Variants in ITSN1 observed in about 807,000 individuals in gnomAD.
ITSN1 encodes intersectin-1.
In ITSN1, 58 loss-of-function variants were observed where a neutral mutation model predicts 239.8. The observed-to-expected ratio is 0.24, with a 90% CI of 0.20 to 0.30. The LOEUF (loss-of-function observed/expected upper bound fraction) is 0.30, where lower values mean the gene tolerates loss of function less well. ITSN1 is among the 10% of genes least tolerant of loss of function. ITSN1 has a pLI of 1.00. For synonymous variants in ITSN1, 780 were observed against 770.8 expected (o/e 1.01, Z -0.20); for missense variants, 1,558 against 2,103.3 (o/e 0.74, Z 5.07).
At position 33,818,263 on chromosome 21, in the gene ITSN1, C is replaced by CA; in HGVS notation, c.2728-2dup. On this transcript the variant is annotated splice_region_variant and splice_polypyrimidine_tract_variant and intron_variant, in intron 22 of 39. Coordinates refer to ENST00000381318, the MANE Select transcript of ITSN1 (RefSeq NM_003024.3). ...GAGAGGTCCTTTATGTTATTCCACACAAGGGTGAAAAGGTGGAGGGGCTAC... is the reference window on the plus strand; with the variant it reads ...GAGAGGTCCTTTATGTTATTCCACACAAAGGGTGAAAAGGTGGAGGGGCTAC... 6.2e-7 allele frequency: 1 copy of CA among 1,613,510 alleles called. No individual in the cohort carries two copies. Among genetic ancestry groups the CA allele is most frequent in the Non-Finnish European group, 8.5e-7 (1 of 1,179,466 alleles).
chr21:33,871,821 A>G (rs1377989662), intron 33 of ITSN1, among the ~76,000 whole-genome samples: 1 of 152,178 alleles, frequency 6.6e-6, no homozygotes, highest in African/African-American at 2.4e-5. Context: ...AGTGAAGAGC[A>G]CATAGCCTGG....
chr21:33,793,020 T>TA (rs1257525474), intron 16 of ITSN1, among the ~76,000 whole-genome samples: 2 of 152,276 alleles, frequency 1.3e-5, no homozygotes, highest in East Asian at 3.9e-4. Flanking sequence ...CTTTTTCTTT[T>TA]ATCTCATTGT....
At chr21:33,705,891 T>C (rs1431465531) in intron 1 of ITSN1, among the ~76,000 whole-genome samples, 1 of 152,222 alleles carries the variant, frequency 6.6e-6, no homozygotes, top group African/African-American at 2.4e-5. Context: ...TAGTGAGTTA[T>C]GGCAGTAAAA....
chr21:33,835,563 T>C (rs1244012410), intron 28 of ITSN1, among the ~76,000 whole-genome samples: 1 of 152,178 alleles, frequency 6.6e-6, no homozygotes, highest in Non-Finnish European at 1.5e-5. Context: ...AGAAAAATTG[T>C]TCTTGAGGGT....
chr21:33,686,185 A>C (rs1186377009), intron 1 of ITSN1, among the ~76,000 whole-genome samples: 1 of 152,146 alleles, frequency 6.6e-6, no homozygotes, highest in Non-Finnish European at 1.5e-5. Flanking sequence ...AAGTAATTAT[A>C]TATTTACATT....
At chr21:33,870,959 A>G (rs1002824846) in intron 33 of ITSN1, among the ~76,000 whole-genome samples, 6 of 152,212 alleles carry the variant, frequency 3.9e-5, no homozygotes, top group African/African-American at 1.4e-4. Flanking sequence ...ACATCTGCGT[A>G]TGCCTGCCTG....
At chr21:33,881,389 A>T (rs1984882280) in intron 34 of ITSN1, among the ~76,000 whole-genome samples, 1 of 148,282 alleles carries the variant, frequency 6.7e-6, no homozygotes, top group East Asian at 2.0e-4. Context: ...CCTGGGCGAC[A>T]GAGTGAGACT....
chr21:33,850,440 G>A (rs1362332276), intron 29 of ITSN1, among the ~76,000 whole-genome samples: 1 of 152,112 alleles, frequency 6.6e-6, no homozygotes, highest in Non-Finnish European at 1.5e-5. Flanking sequence ...ATTAAAAATC[G>A]CATCTTGAGG....
intron 1 of ITSN1, among the ~76,000 whole-genome samples, chr21:33,655,881 T>C (rs1238607729): frequency 1.3e-5 from 2 of 151,896 alleles, no homozygotes; most frequent in African/African-American, 4.8e-5. Flanking sequence ...AAAAACTCAG[T>C]GATAAGTTTA....
At chr21:33,876,151 T>TTTTCTTTC (rs1983798563) in intron 34 of ITSN1, among the ~76,000 whole-genome samples, 28 of 42,872 alleles carry the variant, frequency 6.5e-4, no homozygotes, top group African/African-American at 4.3e-3. Context: ...CTTTCTTTCT[T>TTTTCTTTC]TCTCTCTCTC....
intron 34 of ITSN1, 33 bp downstream of exon 34, chr21:33,875,554 C>G: frequency 6.3e-7 from 1 of 1,598,488 alleles, no homozygotes; most frequent in Non-Finnish European, 8.5e-7. Context: ...CCTGGTCTCC[C>G]CCGGCAGAGC....
intron 4 of ITSN1, among the ~76,000 whole-genome samples, chr21:33,727,758 C>T (rs546333112): frequency 2.6e-5 from 4 of 152,076 alleles, no homozygotes; most frequent in East Asian, 1.9e-4. Context: ...ACCTGGGCAC[C>T]GTGCTTGATT....
At chr21:33,691,514 A>G (rs1403597644) in intron 1 of ITSN1, among the ~76,000 whole-genome samples, 3 of 152,212 alleles carry the variant, frequency 2.0e-5, no homozygotes, top group Admixed American at 2.0e-4. Context: ...GCAAGGACAA[A>G]TAGAGAATTA....
At chr21:33,864,853 T>TATAC (rs1352913865) in intron 31 of ITSN1, among the ~76,000 whole-genome samples, 4 of 152,004 alleles carry the variant, frequency 2.6e-5, no homozygotes, top group Non-Finnish European at 4.4e-5. Flanking sequence ...ATAATCTGTG[T>TATAC]AGTGAGGCAT....
intron 1 of ITSN1, among the ~76,000 whole-genome samples, chr21:33,652,397 G>A (rs1414126092): frequency 6.6e-6 from 1 of 152,118 alleles, no homozygotes; most frequent in Non-Finnish European, 1.5e-5. Context: ...TCGTTGCCTT[G>A]CCAGTTTGTA....
At chr21:33,838,685 A>G (rs1407593802) in intron 29 of ITSN1, among the ~76,000 whole-genome samples, 1 of 152,046 alleles carries the variant, frequency 6.6e-6, no homozygotes, top group Non-Finnish European at 1.5e-5. Flanking sequence ...CGTGCTCTCC[A>G]CCTTCCCTGA....
At chr21:33,734,386 G>A (rs1422816476) in intron 4 of ITSN1, among the ~76,000 whole-genome samples, 2 of 152,146 alleles carry the variant, frequency 1.3e-5, no homozygotes, top group Non-Finnish European at 2.9e-5. Context: ...TTTTCAAATA[G>A]CAGACACATT....
chr21:33,849,000 G>C (rs2075072164), intron 29 of ITSN1, among the ~76,000 whole-genome samples: 1 of 152,234 alleles, frequency 6.6e-6, no homozygotes, highest in African/African-American at 2.4e-5. Context: ...CAGCACTTTG[G>C]GAGGCCGAGG....
intron 9 of ITSN1, 85 bp from the exon 10 acceptor site, chr21:33,765,789 GA>G (rs2068681160): frequency 1.4e-6 from 2 of 1,456,786 alleles, no homozygotes; most frequent in Admixed American, 3.4e-5. Flanking sequence ...TGGTCAATAA[GA>G]AAACATAACT....
Sources: allele counts gnomAD v4.1 joint callset (sites outside exome capture counted in the v4.1 genomes callset), GRCh38; gene constraint gnomAD v4.1.1; transcripts MANE v1.5; gene names NCBI Gene and HGNC (gene_info 2026-07-23, HGNC 2026-07-21).